Variants in NBEA observed in about 807,000 individuals in gnomAD.
NBEA encodes the protein lysosomal-trafficking regulator 2.
In NBEA, 44 loss-of-function variants were observed where a neutral mutation model predicts 343.4. The observed-to-expected ratio is 0.13, with a 90% CI of 0.10 to 0.16. The LOEUF is 0.16. Among genes scored for constraint, NBEA ranks in the 10% least tolerant of loss-of-function variants. NBEA has a pLI of 1.00. For missense variants in NBEA, 2,555 were observed against 3,631.3 expected (o/e 0.70, Z 7.62); for synonymous variants, 1,175 against 1,238.7 (o/e 0.95, Z 1.08).
intron 49 of NBEA, among the ~76,000 whole-genome samples, chr13:35,631,638 T>TAAAAAAAAAAAAAAAAAAAAAA (rs59333937): frequency 1.4e-4 from 18 of 126,452 alleles, no homozygotes; most frequent in African/African-American, 5.5e-4. Flanking sequence ...GTCTCCTTTG[T>TAAAAAAAAAAAAAAAAAAAAAA]AAAAAAAAAA....
At chr13:35,473,562 A>G (rs1242718837) in intron 41 of NBEA, among the ~76,000 whole-genome samples, 1 of 152,216 alleles carries the variant, frequency 6.6e-6, no homozygotes. Flanking sequence ...CTTGTTGACT[A>G]CTAAACTCTT....
At chr13:35,277,110 A>G (rs976519623) in intron 34 of NBEA, among the ~76,000 whole-genome samples, 7 of 152,160 alleles carry the variant, frequency 4.6e-5, no homozygotes, top group Non-Finnish European at 1.0e-4. Context: ...TCAGCTAGTT[A>G]TGGACAAGAT....
intron 41 of NBEA, among the ~76,000 whole-genome samples, chr13:35,547,881 C>T (rs564301283): frequency 1.3e-4 from 20 of 151,982 alleles, no homozygotes; most frequent in Non-Finnish European, 2.6e-4. Context: ...AGAGTGAAAC[C>T]CTGTCTCAAA....
intron 17 of NBEA, among the ~76,000 whole-genome samples, chr13:35,127,820 T>G (rs1039793291): frequency 2.6e-5 from 4 of 151,842 alleles, no homozygotes; most frequent in African/African-American, 9.7e-5. Flanking sequence ...CTAAGAACAA[T>G]GTATGTAATG....
At position 35,161,759 on chromosome 13, in the gene NBEA, G is replaced by C. The variant is rs773245241; in HGVS notation, c.3871G>C (p.Gly1291Arg). The change falls in exon 23 of 59, where the codon GGT becomes CGT. Residue 1291 changes from glycine (G) to arginine (R), a missense_variant. Physicochemically the swap from Gly to Arg is moderately radical, Grantham distance 125. Coordinates refer to ENST00000379939, the MANE Select transcript of NBEA (RefSeq NM_001385012.1). ...TCTTTTCCTTCTTTAGGCTGTGCAG[G>C]GTCGGTCTATCACCCAACAAGACCG... Reference protein sequence around the residue: ...QTTTTTQAVQGRSITQQDRDL... With the variant: ...QTTTTTQAVQRRSITQQDRDL... The C allele has an allele frequency of 3.5e-5, 56 of 1,609,404 alleles. No individual in the cohort carries two copies. The highest frequency in any genetic ancestry group is 4.3e-5 in the Non-Finnish European group (51 of 1,177,892).
At chr13:34,997,679 AC>A (rs1175625099) in intron 1 of NBEA, among the ~76,000 whole-genome samples, 1 of 152,190 alleles carries the variant, frequency 6.6e-6, no homozygotes, top group African/African-American at 2.4e-5. Flanking sequence ...AAACTGTCAT[AC>A]CAAAATCTTT....
intron 6 of NBEA, 105 bp downstream of exon 6, chr13:35,050,500 T>C: frequency 1.7e-6 from 2 of 1,207,624 alleles, no homozygotes; most frequent in Non-Finnish European, 2.2e-6. Context: ...TCCTATGCTT[T>C]TAATTGTTTT....
intron 36 of NBEA, among the ~76,000 whole-genome samples, chr13:35,330,734 G>A (rs1438019790): frequency 6.6e-6 from 1 of 151,986 alleles, no homozygotes; most frequent in Non-Finnish European, 1.5e-5. Context: ...ATGAATAATT[G>A]ATAGATTTTA....
intron 38 of NBEA, among the ~76,000 whole-genome samples, chr13:35,425,770 G>T (rs2044623970): frequency 6.6e-6 from 1 of 152,154 alleles, no homozygotes; most frequent in Non-Finnish European, 1.5e-5. Flanking sequence ...CATTATTATT[G>T]TGTGGGAGTC....
chr13:35,067,046 T>C (rs2063678606), intron 8 of NBEA, among the ~76,000 whole-genome samples: 1 of 152,136 alleles, frequency 6.6e-6, no homozygotes, highest in African/African-American at 2.4e-5. Context: ...ATGTTACTTC[T>C]ATAGAGCTCT....
At position 35,198,205 on chromosome 13, in the gene NBEA, G is replaced by A. The variant is rs144286803; in HGVS notation, c.5366+1903G>A. On this transcript the variant is annotated intron_variant, in intron 31 of 58. Transcript: ENST00000379939. Reference sequence around the variant, plus strand: ...TCACATATTTGGTTTATGTTTTCACGATATGCCTATATGTGTGTTTATAAG... The same window carrying A: ...TCACATATTTGGTTTATGTTTTCACAATATGCCTATATGTGTGTTTATAAG... 4.1e-4 allele frequency among the ~76,000 whole-genome samples: 63 copies of A among 152,062 alleles called. 1 individual carries two copies. The East Asian group carries it at 0.011, about 28-fold the overall frequency.
chr13:35,458,073 A>G (rs547475914), intron 40 of NBEA, among the ~76,000 whole-genome samples: 2 of 152,310 alleles, frequency 1.3e-5, no homozygotes, highest in Admixed American at 1.3e-4. Flanking sequence ...GTTTTCATTT[A>G]TCTTAGGTAT....
rs928590820 is a variant in NBEA, at chr13:35,605,630, AAAC to A, written c.7297-790_7297-788del. ...AATTTTCTCCCAATTACTTTTTAAA[AAAC>A]AACAAAAACTTTCAGGGTATTAAAA... On this transcript the variant is annotated intron_variant, in intron 47 of 58. Coordinates refer to ENST00000379939, the MANE Select transcript of NBEA (RefSeq NM_001385012.1). Among the ~76,000 whole-genome samples the A allele has an allele frequency of 1.2e-4, 19 of 152,318 alleles. 1 individual carries two copies. In the East Asian group the frequency reaches 3.7e-3, roughly 29 times the overall value.
intron 27 of NBEA, 114 bp downstream of exon 27, chr13:35,173,708 C>A: frequency 1.0e-6 from 1 of 975,468 alleles, no homozygotes; most frequent in Non-Finnish European, 1.4e-6. Flanking sequence ...AGGACATTGT[C>A]ATTAGGCAGC....
chr13:35,154,206 T>G (rs916127388), intron 18 of NBEA, among the ~76,000 whole-genome samples: 14 of 152,184 alleles, frequency 9.2e-5, no homozygotes, highest in African/African-American at 3.4e-4. Flanking sequence ...GTAAATGTCC[T>G]GTCTTAGTCT....
chr13:35,654,095 G>T (rs904536521), intron 53 of NBEA, among the ~76,000 whole-genome samples: 4 of 152,202 alleles, frequency 2.6e-5, no homozygotes, highest in Non-Finnish European at 5.9e-5. Flanking sequence ...TCAGCCCAGT[G>T]ATTTATCCTG....
chr13:35,155,879 TGTATTGTG>T, intron 19 of NBEA, 24 bp downstream of exon 19: 1 of 1,586,794 alleles, frequency 6.3e-7, no homozygotes, highest in Non-Finnish European at 8.7e-7. Flanking sequence ...AGTTCTTTAC[TGTATTGTG>T]GTAGGCGCAT....
At chr13:35,082,083 C>A (rs1405459667) in intron 10 of NBEA, among the ~76,000 whole-genome samples, 2 of 152,062 alleles carry the variant, frequency 1.3e-5, no homozygotes, top group Non-Finnish European at 2.9e-5. Context: ...CACCCCACAA[C>A]AGGCCCCAGT....
intron 33 of NBEA, among the ~76,000 whole-genome samples, chr13:35,229,863 G>C (rs1176245126): frequency 1.3e-5 from 2 of 151,988 alleles, no homozygotes; most frequent in African/African-American, 4.8e-5. Flanking sequence ...TACATTGTGG[G>C]GAATCTGTAA....
Sources: allele counts gnomAD v4.1 joint callset (sites outside exome capture counted in the v4.1 genomes callset), GRCh38; gene constraint gnomAD v4.1.1; transcripts MANE v1.5; gene names NCBI Gene and HGNC (gene_info 2026-07-23, HGNC 2026-07-21).